UTP15: variants seen among roughly 807,000 people sequenced by gnomAD.
UTP15 encodes the protein UTP15 small subunit processome component.
UTP15 carries 5 observed loss-of-function variants against 59.1 expected under a neutral mutation model. The ratio of observed to expected loss-of-function variants is 0.08; its 90% CI spans 0.04 to 0.18. The LOEUF (loss-of-function observed/expected upper bound fraction) is 0.18. UTP15 is among the 10% of genes least tolerant of loss of function. The pLI is 1.00. For synonymous variants in UTP15, 211 were observed against 212.2 expected (o/e 0.99, Z 0.05); for missense variants, 494 against 616.7 (o/e 0.80, Z 2.11).
rs2112066013 is a variant in UTP15, at chr5:73,581,484, C to CT, written c.*1391dup. On this transcript the variant is annotated 3_prime_UTR_variant, in exon 13 of 13. Transcript: ENST00000296792. ...CAGTTGCTACCTCTCCTGCTTTTCT[C>CT]TAATTATTACGCCAACTCAAGTAGT... 6.6e-6 allele frequency: 1 copy of CT among 152,258 alleles called. No individual in the cohort carries two copies. Among genetic ancestry groups the CT allele is most frequent in the East Asian group, 1.9e-4 (1 of 5,182 alleles). The allele number at this position is 152,258 out of a possible 1,614,324, so 9.4% of individuals were successfully genotyped here.
At position 73,567,279 on chromosome 5, in the gene UTP15, T is replaced by C; in HGVS notation, c.-66T>C. ...TTTTTCAGAATTAAGGCAGAGTCAC[T>C]GTAATTATTTCTAATACCAATTCCA... On this transcript the variant is annotated 5_prime_UTR_variant, in exon 2 of 13. Transcript: ENST00000296792. 1.9e-6 allele frequency: 2 copies of C among 1,048,964 alleles called. No individual in the cohort carries two copies. Among genetic ancestry groups the C allele is most frequent in the Non-Finnish European group, 2.8e-6 (2 of 713,156 alleles). 65.0% of individuals were successfully genotyped at this position (1,048,964 alleles called of 1,614,324 possible). A position where few individuals can be genotyped will look rare whatever the true frequency, so the allele number is the denominator to read the frequency against.
At position 73,579,027 on chromosome 5, in the gene UTP15, C is replaced by T. The variant is rs1748215047; in HGVS notation, c.1157C>T (p.Thr386Ile). The T allele has an allele frequency of 1.2e-6, 2 of 1,610,562 alleles. No individual in the cohort carries two copies. ...ALDRVLDPTC[T>I]IKTPEITVSI... is the part of the protein sequence containing the mutation. ...TGAAAATTTTTCTAGCCCACTTGTACAATAAAGACACCCGAGATTACGGTG... is the reference window on the plus strand; with the variant it reads ...TGAAAATTTTTCTAGCCCACTTGTATAATAAAGACACCCGAGATTACGGTG... The change falls in exon 11 of 13, where the codon ACA becomes ATA. Residue 386 changes from threonine to isoleucine, a missense_variant. Physicochemically the swap from Thr to Ile is moderately conservative, Grantham distance 89. Coordinates refer to ENST00000296792, the MANE Select transcript of UTP15 (RefSeq NM_032175.4).
chr5:73,579,084 T>A lies in UTP15; in HGVS notation c.1214T>A (p.Val405Asp). The change falls in exon 11 of 13, where the codon GTC (valine) becomes GAC (aspartate). Residue 405 changes from valine (V) to aspartate (D), a missense_variant. Val to Asp is a radical substitution (Grantham distance 152). Coordinates refer to ENST00000296792, the MANE Select transcript of UTP15 (RefSeq NM_032175.4). ...ATAAAGGAGTTAAATCGAAGAGGAG[T>A]CCTTGCAAATGCGCTTGCAGGTCGG... ...SIIKELNRRG[V>D]LANALAGRDE... 5 of 1,613,870 alleles carry A rather than the reference T, an allele frequency of 3.1e-6. No homozygotes were observed. The highest frequency in any genetic ancestry group is 4.2e-6 in the Non-Finnish European group (5 of 1,179,866).
chr5:73,579,869 CT>C lies in UTP15; in HGVS notation c.1340-3del. ...GCTAGTTAATGTGTTTTCTTTCTCTCTTTTTAGATATATATCTGCCTGTAAT... is the reference window on the plus strand; with the variant it reads ...GCTAGTTAATGTGTTTTCTTTCTCTCTTTTAGATATATATCTGCCTGTAAT... On this transcript the variant is annotated splice_region_variant and splice_polypyrimidine_tract_variant and intron_variant, in intron 12 of 12. Coordinates refer to ENST00000296792, the MANE Select transcript of UTP15 (RefSeq NM_032175.4). The C allele has an allele frequency of 6.4e-7, 1 of 1,564,862 alleles. No individual in the cohort carries two copies. Among genetic ancestry groups the C allele is most frequent in the Non-Finnish European group, 8.6e-7 (1 of 1,156,356 alleles).
chr5:73,574,781 C>T (rs116771295), intron 7 of UTP15, among the ~76,000 whole-genome samples: 1,550 of 152,292 alleles, frequency 0.01, 29 homozygotes, highest in African/African-American at 0.036. Context: ...CCACCGTGCC[C>T]GGCTTACATG....
intron 7 of UTP15, among the ~76,000 whole-genome samples, chr5:73,574,832 T>C (rs892798374): frequency 2.0e-5 from 3 of 152,246 alleles, no homozygotes; most frequent in Non-Finnish European, 2.9e-5. Context: ...TTCATTTTTT[T>C]CTGCTCTTAT....
chr5:73,578,974 G>A lies in UTP15; in HGVS notation c.1147-43G>A, dbSNP rs200550065. The A allele has an allele frequency of 4.0e-5, 63 of 1,592,218 alleles. No homozygotes were observed. In the African/African-American group the frequency reaches 7.0e-4, roughly 18 times the overall value. On this transcript the variant is annotated intron_variant, in intron 10 of 12. Transcript: ENST00000296792. ...TTAGTGCAAGACAGTGATTTTTTTT[G>A]TGCTGTTTTGTCTACTCATGTTGAC...
rs1474875147 is a variant in UTP15 at position 73,570,672 on chromosome 5, G to A, written c.634G>A (p.Val212Ile). 6.2e-7 allele frequency: 1 copy of A among 1,614,212 alleles called. No individual in the cohort carries two copies. Among genetic ancestry groups the A allele is most frequent in the South Asian group, 1.1e-5 (1 of 91,092 alleles). The change falls in exon 6 of 13, where the codon GTC (valine) becomes ATC (isoleucine). Residue 212 changes from valine (V) to isoleucine (I), a missense_variant. By Grantham distance (29) the Val-to-Ile change is conservative (BLOSUM62 3). Transcript: ENST00000296792. Reference sequence around the variant, plus strand: ...TGAGCATGGGCAGCCAGTGGAGAGTGTCCTACTTTTCCCCTCTGGAGGTCT... The same window carrying A: ...TGAGCATGGGCAGCCAGTGGAGAGTATCCTACTTTTCCCCTCTGGAGGTCT... ...SVEHGQPVES[V>I]LLFPSGGLLV...
At chr5:73,578,072 C>A in intron 9 of UTP15, 67 bp downstream of exon 9, 1 of 1,505,194 alleles carries the variant, frequency 6.6e-7, no homozygotes, top group Non-Finnish European at 9.0e-7. Context: ...TTCATCCCTG[C>A]ACATTACTGG....
chr5:73,565,841 G>A lies in UTP15; in HGVS notation c.-155G>A, dbSNP rs1358913614. The A allele has an allele frequency of 2.2e-6, 1 of 456,296 alleles. No homozygotes were observed. The highest frequency in any genetic ancestry group is 2.3e-5 in the Admixed American group (1 of 42,590). 28.3% of individuals were successfully genotyped at this position (456,296 alleles called of 1,614,324 possible). A position where few individuals can be genotyped will look rare whatever the true frequency, so the allele number is the denominator to read the frequency against. On this transcript the variant is annotated 5_prime_UTR_variant, in exon 1 of 13. Transcript: ENST00000296792. Reference sequence around the variant, plus strand: ...CAGTGCTGCTGAACTGTGCAGGGTAGGGAGCTGGCACAGTCCGATTAATTG... The same window carrying A: ...CAGTGCTGCTGAACTGTGCAGGGTAAGGAGCTGGCACAGTCCGATTAATTG...
chr5:73,577,629 G>A (rs757906351), intron 8 of UTP15, among the ~76,000 whole-genome samples: 4 of 152,116 alleles, frequency 2.6e-5, no homozygotes, highest in Non-Finnish European at 5.9e-5. Flanking sequence ...CTTTGCCAGT[G>A]ATATTTTACA....
At chr5:73,577,631 T>C (rs575272031) in intron 8 of UTP15, among the ~76,000 whole-genome samples, 1 of 152,302 alleles carries the variant, frequency 6.6e-6, no homozygotes, top group East Asian at 1.9e-4. Flanking sequence ...TTGCCAGTGA[T>C]ATTTTACAAG....
intron 6 of UTP15, among the ~76,000 whole-genome samples, chr5:73,571,971 G>C (rs1747945960): frequency 6.6e-6 from 1 of 152,094 alleles, no homozygotes; most frequent in South Asian, 2.1e-4. Context: ...GAGAGGGTTG[G>C]ACTAGATCAG....
Position 73,569,594 on chromosome 5 carries a change from G to C in UTP15, c.466G>C (p.Glu156Gln), listed in dbSNP as rs762048974. The C allele has an allele frequency of 8.7e-6, 14 of 1,613,712 alleles. No individual in the cohort carries two copies. The East Asian group carries it at 2.2e-4, about 26-fold the overall frequency. ...ATTATGGGATATTCCAAACTCCAAA[G>C]AAATTTTGACATTTAAAGAACACTC... ...VKLWDIPNSK[E>Q]ILTFKEHSDY... Residue 156 changes from glutamate to glutamine, a missense_variant, in exon 5 of 13, where the codon GAA (glutamate) becomes CAA (glutamine). Coordinates refer to ENST00000296792, the MANE Select transcript of UTP15 (RefSeq NM_032175.4).
Position 73,565,757 on chromosome 5 carries a change from C to A in UTP15, c.-239C>A, listed in dbSNP as rs1747730238. 2 of 456,226 alleles carry A rather than the reference C, an allele frequency of 4.4e-6. No individual in the cohort carries two copies. Among genetic ancestry groups the A allele is most frequent in the Non-Finnish European group, 8.8e-6 (2 of 226,944 alleles). 28.3% of individuals were successfully genotyped at this position (456,226 alleles called of 1,614,324 possible). A position where few individuals can be genotyped will look rare whatever the true frequency, so the allele number is the denominator to read the frequency against. Reference sequence around the variant, plus strand: ...CGTGCTCTGGTACGTCATCTTCGCGCGACGTTCGGTTCGCTGTGTGTGTCG... The same window carrying A: ...CGTGCTCTGGTACGTCATCTTCGCGAGACGTTCGGTTCGCTGTGTGTGTCG... On this transcript the variant is annotated 5_prime_UTR_variant, in exon 1 of 13. Coordinates refer to ENST00000296792, the MANE Select transcript of UTP15 (RefSeq NM_032175.4).
intron 7 of UTP15, among the ~76,000 whole-genome samples, chr5:73,573,004 G>T (rs1366509105): frequency 6.6e-6 from 1 of 151,940 alleles, no homozygotes; most frequent in African/African-American, 2.4e-5. Context: ...CACCATGTTG[G>T]TCAGGCAGGT....
intron 7 of UTP15, among the ~76,000 whole-genome samples, chr5:73,573,409 G>A (rs1000218021): frequency 6.6e-6 from 1 of 151,516 alleles, no homozygotes; most frequent in African/African-American, 2.4e-5. Context: ...CACCATGCCT[G>A]GCTAATTTTT....
intron 7 of UTP15, among the ~76,000 whole-genome samples, chr5:73,574,063 C>T (rs958445229): frequency 1.3e-5 from 2 of 152,006 alleles, no homozygotes; most frequent in African/African-American, 4.8e-5. Context: ...TGGCTTACAC[C>T]TGTAATCCCA....
In UTP15 at chr5:73,579,047, A is replaced by G; in HGVS notation, c.1177A>G (p.Thr393Ala). 1 of 1,613,914 alleles carries G rather than the reference A, an allele frequency of 6.2e-7. No individual in the cohort carries two copies. Among genetic ancestry groups the G allele is most frequent in the Middle Eastern group, 1.6e-4 (1 of 6,062 alleles). The stretch of plus-strand genomic sequence containing the variant: ...TTGTACAATAAAGACACCCGAGATT[A>G]CGGTGTCCATCATAAAGGAGTTAAA... Reference protein sequence around the residue: ...PTCTIKTPEITVSIIKELNRR... With the variant: ...PTCTIKTPEIAVSIIKELNRR... The change falls in exon 11 of 13, where the codon ACG (threonine) becomes GCG (alanine). Residue 393 changes from threonine to alanine, a missense_variant. By Grantham distance (58) the Thr-to-Ala change is moderately conservative. Transcript: ENST00000296792.
Sources: allele counts gnomAD v4.1 joint callset (sites outside exome capture counted in the v4.1 genomes callset), GRCh38; gene constraint gnomAD v4.1.1; transcripts MANE v1.5; gene names NCBI Gene and HGNC (gene_info 2026-07-23, HGNC 2026-07-21).